Variants in PLA2G4B observed in about 807,000 individuals in gnomAD.
PLA2G4B encodes the protein cytosolic phospholipase A2 beta.
PLA2G4B carries 122 observed loss-of-function variants against 95.8 expected under a neutral mutation model. The observed-to-expected ratio is 1.27, with a 90% CI of 1.10 to 1.48. The LOEUF (loss-of-function observed/expected upper bound fraction) is 1.48, where lower values mean the gene tolerates loss of function less well. PLA2G4B is among the 40% of genes most tolerant of loss of function. The probability of loss-of-function intolerance (pLI) is 0.00; values close to 1 mark genes in which losing one functional copy is unlikely to be tolerated. For synonymous variants in PLA2G4B, 518 were observed against 421.5 expected (o/e 1.23, Z -2.80); for missense variants, 1,158 against 996.2 (o/e 1.16, Z -2.19).
At position 41,842,276 on chromosome 15, in the gene PLA2G4B, G is replaced by A; in HGVS notation, c.705G>A (p.Gln235=). ...TGAGGCTTGTCTTCCCCACGTCCCA[G>A]GTACTGGCCTCCCAGGGAAGGAAGC... ...QVVRLVFPTS[Q]EPLMRVELKK... is the part of the protein sequence containing the mutation. Residue 235 remains glutamine, a splice_region_variant and synonymous_variant, in exon 9 of 20, where the codon CAG becomes CAA. Coordinates refer to ENST00000458483, the MANE Select transcript of PLA2G4B (RefSeq NM_001114633.2). 1 of 1,613,966 alleles carries A rather than the reference G, an allele frequency of 6.2e-7. No homozygotes were observed. Among genetic ancestry groups the A allele is most frequent in the Non-Finnish European group, 8.5e-7 (1 of 1,179,992 alleles).
intron 9 of PLA2G4B, 30 bp from the exon 10 acceptor site, chr15:41,842,523 CT>C (rs781755232): frequency 6.2e-7 from 1 of 1,611,682 alleles, no homozygotes; most frequent in Non-Finnish European, 8.5e-7. Flanking sequence ...GGTGGCCGAC[CT>C]TTTGTGACTG....
Position 41,845,024 on chromosome 15 carries a change from TCAC to T in PLA2G4B, c.1196_1198del (p.Thr399del). On this transcript the variant is annotated inframe_deletion, in exon 13 of 20. Transcript: ENST00000458483. ...GCCCGCTTGGGCTACCCAAGCTGCT[TCAC>T]CAACCTGTGGGCCCTCATCAACGAG... The T allele has an allele frequency of 6.2e-7, 1 of 1,603,796 alleles. No individual in the cohort carries two copies. Among genetic ancestry groups the T allele is most frequent in the Non-Finnish European group, 8.5e-7 (1 of 1,175,356 alleles).
rs982365427 is a variant in PLA2G4B at position 41,842,046 on chromosome 15, G to A, written c.621+97G>A. On this transcript the variant is annotated intron_variant, in intron 8 of 19. Coordinates refer to ENST00000458483, the MANE Select transcript of PLA2G4B (RefSeq NM_001114633.2). ...GACCTCTGCTCCACCTGGCAGAGTG[G>A]GCACCCTGGCAGCATGTGTGGGCCC... 1.4e-5 allele frequency: 22 copies of A among 1,557,782 alleles called. No individual in the cohort carries two copies. The African/African-American group carries it at 2.8e-4, about 20-fold the overall frequency.
chr15:41,847,291 T>G, intron 18 of PLA2G4B, 46 bp from the exon 19 acceptor site: 1 of 1,548,544 alleles, frequency 6.5e-7, no homozygotes, highest in Non-Finnish European at 8.7e-7. Context: ...GTGTTGAGGA[T>G]GCCAGGGGCC....
In PLA2G4B at chr15:41,841,045, C is replaced by T; in HGVS notation, c.352-10C>T. ...GACCCTTTCTAACTTACTTCTGGCTCTCTTCCCAGGGTGAGGGGCGCCTGG... is the reference window on the plus strand; with the variant it reads ...GACCCTTTCTAACTTACTTCTGGCTTTCTTCCCAGGGTGAGGGGCGCCTGG... On this transcript the variant is annotated splice_polypyrimidine_tract_variant and intron_variant, in intron 4 of 19. Coordinates refer to ENST00000458483, the MANE Select transcript of PLA2G4B (RefSeq NM_001114633.2). The T allele has an allele frequency of 1.3e-6, 2 of 1,573,620 alleles. No homozygotes were observed. The highest frequency in any genetic ancestry group is 1.7e-6 in the Non-Finnish European group (2 of 1,157,148).
Position 41,847,898 on chromosome 15 carries a change from C to G in PLA2G4B, c.*38C>G. On this transcript the variant is annotated 3_prime_UTR_variant, in exon 20 of 20. Coordinates refer to ENST00000458483, the MANE Select transcript of PLA2G4B (RefSeq NM_001114633.2). ...CTGCCACCCCTAACTCTCATTCATT[C>G]CCTGGCTGCTGAGTTGCAGGTGGGA... 6.3e-7 allele frequency: 1 copy of G among 1,585,054 alleles called. No homozygotes were observed.
rs538289831 is a variant in PLA2G4B at position 41,839,198 on chromosome 15, G to A, written c.9+276G>A. 870 of 339,818 alleles carry A rather than the reference G, an allele frequency of 2.6e-3. 6 individuals are homozygous for A. The highest frequency in any genetic ancestry group is 0.018 in the South Asian group (442 of 24,342). 21.1% of individuals were successfully genotyped at this position (339,818 alleles called of 1,614,324 possible). On this transcript the variant is annotated intron_variant, in intron 1 of 19. Transcript: ENST00000458483. ...GGAGACTCAGAGGCTCCCAGCTGCC[G>A]CCCTGAGGCCCTGGAAGCAAGTGGC... is the stretch of plus-strand genomic sequence containing the variant.
rs1460444656 is a variant in PLA2G4B at position 41,848,045 on chromosome 15, A to AC, written c.*185_*186insC. 7 of 768,856 alleles carry AC rather than the reference A, an allele frequency of 9.1e-6. No homozygotes were observed. Among genetic ancestry groups the AC allele is most frequent in the Non-Finnish European group, 4.1e-6 (2 of 491,492 alleles). 47.6% of individuals were successfully genotyped at this position (768,856 alleles called of 1,614,324 possible). A position where few individuals can be genotyped will look rare whatever the true frequency, so the allele number is the denominator to read the frequency against. ...GCAGTGGGGTAAGGAGGCCAAGCCC[A>AC]TTTGTGTAATCACCCAAAACCCCCC... On this transcript the variant is annotated 3_prime_UTR_variant, in exon 20 of 20. Coordinates refer to ENST00000458483, the MANE Select transcript of PLA2G4B (RefSeq NM_001114633.2).
rs550553217 is a variant in PLA2G4B, at chr15:41,846,336, T to G, written c.1734T>G (p.His578Gln). 6.2e-7 allele frequency: 1 copy of G among 1,610,840 alleles called. No homozygotes were observed. The highest frequency in any genetic ancestry group is 2.2e-5 in the East Asian group (1 of 44,776). ...CACATAATTTCCTGCGTGGCCTCCA[T>G]TTCCACAAAGACTACTTTCAGCATC... ...QATHNFLRGL[H>Q]FHKDYFQHPH... is the part of the protein sequence containing the mutation. Residue 578 changes from histidine (H) to glutamine (Q), a missense_variant, in exon 17 of 20, where the codon CAT becomes CAG. His to Gln is a conservative substitution (Grantham distance 24). Transcript: ENST00000458483.
At chr15:41,841,597 C>T (rs1265978470) in intron 7 of PLA2G4B, 26 bp downstream of exon 7, 2 of 1,613,828 alleles carry the variant, frequency 1.2e-6, no homozygotes, top group Admixed American at 1.7e-5. Context: ...ACTGGGACAG[C>T]CCCTGGCTCT....
chr15:41,845,083 C>T lies in PLA2G4B; in HGVS notation c.1239+13C>T, dbSNP rs1443923167. On this transcript the variant is annotated intron_variant, in intron 13 of 19. Transcript: ENST00000458483. ...GCTGCATGATGAGGTGCGGGGGCTG[C>T]GGCCTGGGGGCAGAGCCAGGGCAAG... is the stretch of plus-strand genomic sequence containing the variant. The T allele has an allele frequency of 3.1e-6, 5 of 1,595,422 alleles. No homozygotes were observed. The highest frequency in any genetic ancestry group is 1.7e-5 in the Admixed American group (1 of 58,310).
chr15:41,846,421 A>G (rs1357331206), intron 17 of PLA2G4B, 39 bp downstream of exon 17: 4 of 1,579,362 alleles, frequency 2.5e-6, no homozygotes. Context: ...TGGCCACCTG[A>G]GCCTTGAGTC....
intron 1 of PLA2G4B, chr15:41,839,221 G>A (rs1051512802): frequency 6.3e-6 from 2 of 316,604 alleles, no homozygotes; most frequent in African/African-American, 4.3e-5. Context: ...GGAAGCAAGT[G>A]GCTCCTCCAT....
intron 10 of PLA2G4B, chr15:41,842,935 T>G: frequency 3.4e-6 from 1 of 297,640 alleles, no homozygotes. Flanking sequence ...GAGGGGAAAT[T>G]GCGCCCTTTT....
chr15:41,847,609 C>A, intron 19 of PLA2G4B, 40 bp from the exon 20 acceptor site: 1 of 1,612,928 alleles, frequency 6.2e-7, no homozygotes, highest in South Asian at 1.1e-5. Context: ...CTGTCTTCCC[C>A]ACAACGTGTT....
intron 1 of PLA2G4B, 45 bp from the exon 2 acceptor site, chr15:41,840,113 G>A: frequency 4.4e-6 from 7 of 1,602,466 alleles, no homozygotes; most frequent in Non-Finnish European, 6.0e-6. Context: ...TGTCACCCTT[G>A]GCTTCATCGG....
At position 41,847,967 on chromosome 15, in the gene PLA2G4B, CGGTCCCAG is replaced by C. The variant is rs2140902016; in HGVS notation, c.*113_*120del. 1 of 1,434,630 alleles carries C rather than the reference CGGTCCCAG, an allele frequency of 7.0e-7. No homozygotes were observed. Among genetic ancestry groups the C allele is most frequent in the Non-Finnish European group, 9.3e-7 (1 of 1,075,410 alleles). 88.9% of individuals were successfully genotyped at this position (1,434,630 alleles called of 1,614,324 possible). On this transcript the variant is annotated 3_prime_UTR_variant, in exon 20 of 20. Coordinates refer to ENST00000458483, the MANE Select transcript of PLA2G4B (RefSeq NM_001114633.2). ...TTCAGAGCCTCGGGCTCAGGTGGCA[CGGTCCCAG>C]GGTCCAGGCTGAGGGCTGGGAGCTC...
intron 10 of PLA2G4B, among the ~76,000 whole-genome samples, chr15:41,843,380 G>C (rs188479169): frequency 0.013 from 1,966 of 146,678 alleles, 32 homozygotes; most frequent in African/African-American, 0.052. Flanking sequence ...GAGACTTGGA[G>C]GGGGGGGATC....
rs768899648 is a variant in PLA2G4B, at chr15:41,841,836, C to T, written c.508C>T (p.Gln170Ter). 2 of 1,613,462 alleles carry T rather than the reference C, an allele frequency of 1.2e-6. No individual in the cohort carries two copies. Among genetic ancestry groups the T allele is most frequent in the African/African-American group, 1.3e-5 (1 of 74,924 alleles). ...GDQKSSEHRVQLVVPGSCEGP... is the reference protein window; with the variant it reads ...GDQKSSEHRV Reference sequence around the variant, plus strand: ...GTTTCCAGCCTCAGAGCACAGAGTTCAGCTTGTGGTTCCTGGGTCCTGTGA... The same window carrying T: ...GTTTCCAGCCTCAGAGCACAGAGTTTAGCTTGTGGTTCCTGGGTCCTGTGA... Residue 170 changes from glutamine (Q) to a stop codon, truncating the protein, a stop_gained, in exon 8 of 20, where the codon CAG becomes TAG. Transcript: ENST00000458483. LOFTEE classifies it high-confidence loss of function.
Sources: gnomAD v4.1 joint callset for allele counts (sites outside exome capture counted in the v4.1 genomes callset) on GRCh38, gnomAD v4.1.1 for gene constraint, MANE v1.5 for transcripts, NCBI Gene and HGNC (gene_info 2026-07-23, HGNC 2026-07-21) for gene names.